Variants in RGS17 observed in about 807,000 individuals in gnomAD.
The protein encoded by RGS17 is regulator of G-protein signaling 17.
Under a neutral mutation model 25.5 loss-of-function variants are expected in RGS17, and 12 were observed. That is an observed-to-expected ratio of 0.47 (90% CI 0.30 to 0.76). The LOEUF is 0.76. Among genes scored for constraint, RGS17 ranks in the 30% least tolerant of loss-of-function variants. The pLI is 0.07. For synonymous variants in RGS17, 71 were observed against 76.9 expected (o/e 0.92, Z 0.40); for missense variants, 196 against 242.2 (o/e 0.81, Z 1.27).
rs1360820028 is a variant in RGS17 at position 153,009,413 on chromosome 6, C to T, written c.*2161G>A. The T allele has an allele frequency of 6.6e-6, 1 of 151,734 alleles. No individual in the cohort carries two copies. Among genetic ancestry groups the T allele is most frequent in the Non-Finnish European group, 1.5e-5 (1 of 67,838 alleles). The allele number at this position is 151,734 out of a possible 1,614,324, so 9.4% of individuals were successfully genotyped here. A position where few individuals can be genotyped will look rare whatever the true frequency, so the allele number is the denominator to read the frequency against. ...GTAGCATAATAAACTCAATTCTAAG[C>T]AAGAAAAAAATTAAATAATTTAGGA... On this transcript the variant is annotated 3_prime_UTR_variant, in exon 5 of 5. Transcript: ENST00000206262.
intron 1 of RGS17, among the ~76,000 whole-genome samples, chr6:153,118,684 T>C (rs1207885547): frequency 6.6e-6 from 1 of 152,224 alleles, no homozygotes; most frequent in Non-Finnish European, 1.5e-5. Context: ...AGTGCTTTTA[T>C]TTAAGCTGCC....
At chr6:153,070,851 AATAC>A (rs1776786082) in intron 1 of RGS17, among the ~76,000 whole-genome samples, 2 of 150,604 alleles carry the variant, frequency 1.3e-5, no homozygotes, top group African/African-American at 4.9e-5. Context: ...ACATATACAC[AATAC>A]ATATATAACA....
chr6:153,073,330 C>T (rs186722607), intron 1 of RGS17, among the ~76,000 whole-genome samples: 1 of 152,268 alleles, frequency 6.6e-6, no homozygotes, highest in East Asian at 1.9e-4. Context: ...GCTTGCTCCA[C>T]TTTAGAGAGT....
chr6:153,021,985 G>C (rs1779252106), intron 4 of RGS17, among the ~76,000 whole-genome samples: 1 of 152,086 alleles, frequency 6.6e-6, no homozygotes, highest in African/African-American at 2.4e-5. Context: ...AGGCAGGCAG[G>C]TCACTTGAGG....
chr6:153,032,724 G>A lies in RGS17; in HGVS notation c.120-6181C>T, dbSNP rs547198095. Among the ~76,000 whole-genome samples, 64 of 152,208 alleles carry A rather than the reference G, an allele frequency of 4.2e-4. 1 individual carries two copies. The South Asian group carries it at 0.01, about 25-fold the overall frequency. On this transcript the variant is annotated intron_variant, in intron 2 of 4. Coordinates refer to ENST00000206262, the MANE Select transcript of RGS17 (RefSeq NM_012419.5). ...TTAATCTTGGGAGGTTTGCATAACT[G>A]CAACCATTTTTCCTTTTTGGTATTT...
rs1779120420 is a variant in RGS17, at chr6:153,010,611, T to C, written c.*963A>G. ...TATTCATCAAAATGTTTTACAGTGCTACATGTAGGCATTCCTTTATTAAGT... is the reference window on the plus strand; with the variant it reads ...TATTCATCAAAATGTTTTACAGTGCCACATGTAGGCATTCCTTTATTAAGT... On this transcript the variant is annotated 3_prime_UTR_variant, in exon 5 of 5. Coordinates refer to ENST00000206262, the MANE Select transcript of RGS17 (RefSeq NM_012419.5). 6.6e-6 allele frequency: 1 copy of C among 152,094 alleles called. No homozygotes were observed. The highest frequency in any genetic ancestry group is 6.6e-5 in the Admixed American group (1 of 15,266). 9.4% of individuals were successfully genotyped at this position (152,094 alleles called of 1,614,324 possible). A position where few individuals can be genotyped will look rare whatever the true frequency, so the allele number is the denominator to read the frequency against.
chr6:153,085,213 G>T (rs1562329870), intron 1 of RGS17, among the ~76,000 whole-genome samples: 1 of 152,120 alleles, frequency 6.6e-6, no homozygotes, highest in Admixed American at 6.5e-5. Flanking sequence ...TTCCATGATT[G>T]ACTTAGCCTT....
chr6:153,043,539 T>C (rs1268930185), intron 2 of RGS17, among the ~76,000 whole-genome samples: 1 of 152,168 alleles, frequency 6.6e-6, no homozygotes, highest in Non-Finnish European at 1.5e-5. Flanking sequence ...CTAGATGTTA[T>C]TTTAATGTTC....
At chr6:153,047,418 C>T (rs1776399555) in intron 1 of RGS17, among the ~76,000 whole-genome samples, 1 of 152,190 alleles carries the variant, frequency 6.6e-6, no homozygotes, top group Non-Finnish European at 1.5e-5. Flanking sequence ...GTAGACATCT[C>T]AATGTCCGCA....
rs577284250 is a variant in RGS17, at chr6:153,020,339, G to C, written c.444+3923C>G. Among the ~76,000 whole-genome samples, 5 of 150,558 alleles carry C rather than the reference G, an allele frequency of 3.3e-5. No individual in the cohort carries two copies. The East Asian group carries it at 9.8e-4, about 30-fold the overall frequency. The stretch of plus-strand genomic sequence containing the variant: ...CGGCTAATTTTTTGTATTTTTAGTA[G>C]AGATGGGGTTTCACTATGTTGGCCA... On this transcript the variant is annotated intron_variant, in intron 4 of 4. Transcript: ENST00000206262.
intron 1 of RGS17, among the ~76,000 whole-genome samples, chr6:153,076,003 G>A (rs1776872558): frequency 6.6e-6 from 1 of 152,098 alleles, no homozygotes. Flanking sequence ...TTCTTAGAGT[G>A]TAACTTTTTA....
intron 1 of RGS17, among the ~76,000 whole-genome samples, chr6:153,072,136 C>T (rs1028627473): frequency 1.3e-5 from 2 of 152,048 alleles, no homozygotes; most frequent in African/African-American, 4.8e-5. Context: ...GCCCAGGCTG[C>T]TCAGTTAATG....
intron 1 of RGS17, among the ~76,000 whole-genome samples, chr6:153,074,927 G>A (rs1776856459): frequency 6.6e-6 from 1 of 152,064 alleles, no homozygotes; most frequent in Non-Finnish European, 1.5e-5. Flanking sequence ...ACTTGGCAAG[G>A]CAGGGACCAT....
At chr6:153,011,891 C>T (rs1436792889) in intron 4 of RGS17, 129 bp from the exon 5 acceptor site, 2 of 643,648 alleles carry the variant, frequency 3.1e-6, no homozygotes, top group East Asian at 5.7e-5. Context: ...GTCTTGGGTT[C>T]ATCTTTTGAG....
intron 1 of RGS17, among the ~76,000 whole-genome samples, chr6:153,048,646 C>T (rs764832157): frequency 1.3e-5 from 2 of 152,154 alleles, no homozygotes; most frequent in Non-Finnish European, 2.9e-5. Flanking sequence ...CAGCCATGCT[C>T]GGTACAATTA....
Position 153,107,602 on chromosome 6 carries a change from T to C in RGS17, c.-26+23522A>G, listed in dbSNP as rs1219405332. Among the ~76,000 whole-genome samples, 3 of 152,142 alleles carry C rather than the reference T, an allele frequency of 2.0e-5. No homozygotes were observed. The East Asian group carries it at 5.8e-4, about 29-fold the overall frequency. Reference sequence around the variant, plus strand: ...AGCCTATATTATATTATCTATTATATTGGGGACTATGGTAATGAAATTTTA... The same window carrying C: ...AGCCTATATTATATTATCTATTATACTGGGGACTATGGTAATGAAATTTTA... On this transcript the variant is annotated intron_variant, in intron 1 of 4. Transcript: ENST00000206262.
chr6:153,097,338 G>A (rs1777231174), intron 1 of RGS17, among the ~76,000 whole-genome samples: 2 of 127,016 alleles, frequency 1.6e-5, no homozygotes, highest in Non-Finnish European at 3.2e-5. Flanking sequence ...AATCTGAGTC[G>A]CCCAGGCTGG....
At chr6:153,044,229 T>C (rs537989788) in intron 1 of RGS17, among the ~76,000 whole-genome samples, 186 bp from the exon 2 acceptor site, 28 of 152,174 alleles carry the variant, frequency 1.8e-4, no homozygotes, top group Non-Finnish European at 2.8e-4. Flanking sequence ...CTAAAAACTT[T>C]GGGGAGGAAC....
rs573105137 is a variant in RGS17, at chr6:153,043,168, T to C, written c.119+732A>G. 2.0e-5 allele frequency among the ~76,000 whole-genome samples: 3 copies of C among 152,332 alleles called. No individual in the cohort carries two copies. In the East Asian group the frequency reaches 5.8e-4, roughly 29 times the overall value. On this transcript the variant is annotated intron_variant, in intron 2 of 4. Transcript: ENST00000206262. The stretch of plus-strand genomic sequence containing the variant: ...AGATGGCACCTTGGGAATTAGCTTG[T>C]CTAACTCTTCATCATTTTGCCAATG...
Sources: allele counts gnomAD v4.1 joint callset (sites outside exome capture counted in the v4.1 genomes callset), GRCh38; gene constraint gnomAD v4.1.1; transcripts MANE v1.5; gene names NCBI Gene and HGNC (gene_info 2026-07-23, HGNC 2026-07-21).